Variants in ADAM19 observed in about 807,000 individuals in gnomAD.
ADAM19 encodes the protein disintegrin and metalloproteinase domain-containing protein 19.
ADAM19 carries 65 observed loss-of-function variants against 114.7 expected under a neutral mutation model. The observed-to-expected ratio is 0.57, with a 90% CI of 0.46 to 0.70. The LOEUF is 0.70. ADAM19 is among the 30% of genes least tolerant of loss of function. The probability of loss-of-function intolerance (pLI) is 0.00; values close to 1 mark genes in which losing one functional copy is unlikely to be tolerated. For synonymous variants in ADAM19, 466 were observed against 460.5 expected, an observed-to-expected ratio of 1.01 and a Z score of -0.15; for missense variants, 1,063 against 1,204.7, an observed-to-expected ratio of 0.88 and a Z score of 1.74.
At chr5:157,558,988 T>C (rs1482716655) in intron 3 of ADAM19, among the ~76,000 whole-genome samples, 1 of 152,166 alleles carries the variant, frequency 6.6e-6, no homozygotes, top group African/African-American at 2.4e-5. Flanking sequence ...TCCAGGACAA[T>C]GAAAGCCTTC....
chr5:157,575,615 G>A lies in ADAM19; in HGVS notation c.82C>T (p.Pro28Ser). ...QPLRPRAARE[P>S]GWTRGSEEGS... The stretch of plus-strand genomic sequence containing the variant: ...CCTGGCCACTTACTTGTCCATCCAG[G>A]CTCCCGCGCCGCCCGCGGCCGGAGG... Residue 28 changes from proline to serine, a missense_variant, in exon 1 of 23, where the codon CCT (proline) becomes TCT (serine). Coordinates refer to ENST00000257527, the MANE Select transcript of ADAM19 (RefSeq NM_033274.5). 6.9e-7 allele frequency: 1 copy of A among 1,450,046 alleles called. No individual in the cohort carries two copies. Among genetic ancestry groups the A allele is most frequent in the Non-Finnish European group, 9.0e-7 (1 of 1,107,714 alleles). The allele number at this position is 1,450,046 out of a possible 1,614,324, so 89.8% of individuals were successfully genotyped here. A position where few individuals can be genotyped will look rare whatever the true frequency, so the allele number is the denominator to read the frequency against.
At chr5:157,490,503 C>T (rs762091561) in intron 18 of ADAM19, 49 bp from the exon 19 acceptor site, 1 of 1,595,012 alleles carries the variant, frequency 6.3e-7, no homozygotes, top group South Asian at 1.1e-5. Context: ...GTCTCGGCTA[C>T]AGCAGATTTC....
At chr5:157,528,369 T>C (rs1311299281) in intron 5 of ADAM19, among the ~76,000 whole-genome samples, 2 of 152,224 alleles carry the variant, frequency 1.3e-5, no homozygotes, top group Non-Finnish European at 2.9e-5. Context: ...CCAAGCCAAG[T>C]TCCCACTGCT....
At chr5:157,537,765 T>G in intron 4 of ADAM19, 148 bp downstream of exon 4, 1 of 620,826 alleles carries the variant, frequency 1.6e-6, no homozygotes, top group Non-Finnish European at 2.8e-6. Context: ...AAATACATGT[T>G]TTGCTTCTCG....
In ADAM19 at chr5:157,570,990, C is replaced by A; in HGVS notation, c.95-10G>T. The A allele has an allele frequency of 6.2e-7, 1 of 1,613,336 alleles. No individual in the cohort carries two copies. The highest frequency in any genetic ancestry group is 8.5e-7 in the Non-Finnish European group (1 of 1,179,534). On this transcript the variant is annotated splice_polypyrimidine_tract_variant and intron_variant, in intron 1 of 22. Transcript: ENST00000257527. ...CCTTCCTCACTTCCTCCTGCCAATA[C>A]AAGATGCAAAACCATTGGAATCCCA...
rs13354721 is a variant in ADAM19, at chr5:157,499,552, G to A, written c.1398+21C>T. 1,387 of 1,603,432 alleles carry A rather than the reference G, an allele frequency of 8.7e-4. 11 individuals are homozygous for A. In the African/African-American group the frequency reaches 0.015, roughly 17 times the overall value. On this transcript the variant is annotated intron_variant, in intron 13 of 22. Transcript: ENST00000257527. ...CCACTGTCAGGCCAGGGCCCAAGGC[G>A]TGGAGAAAAGGGCCACTTACCTTAC...
chr5:157,481,565 T>G (rs896222246), intron 22 of ADAM19: 7 of 1,493,682 alleles, frequency 4.7e-6, no homozygotes, highest in Non-Finnish European at 6.2e-6. Context: ...GGGGCAGGAC[T>G]GAAGCCACCA....
At chr5:157,532,962 G>A (rs1331480302) in intron 4 of ADAM19, among the ~76,000 whole-genome samples, 4 of 152,288 alleles carry the variant, frequency 2.6e-5, no homozygotes, top group African/African-American at 4.8e-5. Flanking sequence ...TAGAGTACTT[G>A]GCCGAGAGTG....
At chr5:157,489,547 A>G (rs77273565) in intron 19 of ADAM19, among the ~76,000 whole-genome samples, 7,268 of 152,330 alleles carry the variant, frequency 0.048, 244 homozygotes, top group Middle Eastern at 0.082. Context: ...CCTCCAGAAC[A>G]AGTGTTATTT....
chr5:157,477,511 G>A lies in ADAM19; in HGVS notation c.*3438C>T, dbSNP rs547164724. The stretch of plus-strand genomic sequence containing the variant: ...CCCTGGATCCCAGACACATACAAAC[G>A]CACAGTGGACGGTGTGAGAGGACGC... On this transcript the variant is annotated 3_prime_UTR_variant, in exon 23 of 23. Coordinates refer to ENST00000257527, the MANE Select transcript of ADAM19 (RefSeq NM_033274.5). 19 of 1,120,026 alleles carry A rather than the reference G, an allele frequency of 1.7e-5. No homozygotes were observed. The highest frequency in any genetic ancestry group is 1.9e-5 in the Non-Finnish European group (17 of 902,050). The allele number at this position is 1,120,026 out of a possible 1,614,324, so 69.4% of individuals were successfully genotyped here.
At chr5:157,502,481 C>T (rs1755597016) in intron 12 of ADAM19, among the ~76,000 whole-genome samples, 1 of 152,178 alleles carries the variant, frequency 6.6e-6, no homozygotes, top group Non-Finnish European at 1.5e-5. Context: ...AAATTCCGTG[C>T]AGCTGGAGGG....
intron 11 of ADAM19, among the ~76,000 whole-genome samples, chr5:157,504,245 T>G (rs1302731740): frequency 1.3e-5 from 2 of 152,182 alleles, no homozygotes; most frequent in South Asian, 2.1e-4. Context: ...TCATTCTTTT[T>G]TTGTTGTTGT....
In ADAM19 at chr5:157,489,062, A is replaced by T. The variant is rs1018582070; in HGVS notation, c.2325+40T>A. The T allele has an allele frequency of 7.2e-6, 11 of 1,536,366 alleles. No individual in the cohort carries two copies. In the African/African-American group the frequency reaches 1.5e-4, roughly 21 times the overall value. ...AAAATACAGCATGGCCCTGAGGGAT[A>T]AAGGAAAAGTAGCAAAGTTCAGTGG... On this transcript the variant is annotated intron_variant, in intron 20 of 22. Transcript: ENST00000257527.
chr5:157,521,648 C>T (rs956640546), intron 5 of ADAM19, among the ~76,000 whole-genome samples: 102 of 152,270 alleles, frequency 6.7e-4, no homozygotes, highest in African/African-American at 2.4e-3. Context: ...CCCAGTCTGA[C>T]GCAGCAGTAC....
chr5:157,505,508 C>T (rs1403780506), intron 11 of ADAM19, among the ~76,000 whole-genome samples, 161 bp downstream of exon 11: 1 of 152,212 alleles, frequency 6.6e-6, no homozygotes, highest in Non-Finnish European at 1.5e-5. Context: ...TGCACATTTG[C>T]CTTGGTCTTC....
chr5:157,493,961 TCA>T (rs1184260804), intron 15 of ADAM19, among the ~76,000 whole-genome samples: 17 of 152,358 alleles, frequency 1.1e-4, no homozygotes, highest in African/African-American at 4.1e-4. Context: ...GCTCCAGATC[TCA>T]GTGTAGGTAT....
rs1051707434 is a variant in ADAM19, at chr5:157,575,373, G to A, written c.94+230C>T. Among the ~76,000 whole-genome samples, 5 of 152,242 alleles carry A rather than the reference G, an allele frequency of 3.3e-5. No homozygotes were observed. In the East Asian group the frequency reaches 9.6e-4, roughly 29 times the overall value. On this transcript the variant is annotated intron_variant, in intron 1 of 22. Coordinates refer to ENST00000257527, the MANE Select transcript of ADAM19 (RefSeq NM_033274.5). ...AGGCGAGAAGGGAAGGCTAGCCAGT[G>A]AGCGGACCGGCTGTTTTCTGGCTGC...
At chr5:157,497,659 C>T (rs1397605595) in intron 13 of ADAM19, among the ~76,000 whole-genome samples, 1 of 152,144 alleles carries the variant, frequency 6.6e-6, no homozygotes, top group East Asian at 1.9e-4. Context: ...AATATATCCC[C>T]ACTATGGGGC....
At chr5:157,484,725 TC>T (rs1754876745) in intron 21 of ADAM19, among the ~76,000 whole-genome samples, 1 of 152,150 alleles carries the variant, frequency 6.6e-6, no homozygotes, top group African/African-American at 2.4e-5. Flanking sequence ...ACCACCACCT[TC>T]CCCAGCTCAG....
Sources: gnomAD v4.1 joint callset for allele counts (sites outside exome capture counted in the v4.1 genomes callset) on GRCh38, gnomAD v4.1.1 for gene constraint, MANE v1.5 for transcripts, NCBI Gene and HGNC (gene_info 2026-07-23, HGNC 2026-07-21) for gene names.